The following STK39 variants were observed in gnomAD, a reference collection of about 807,000 sequenced individuals.
STK39 encodes the protein serine/threonine kinase 39, also known as STE20/SPS1-related proline-alanine-rich protein kinase.
A neutral mutation model predicts 77.8 loss-of-function variants in STK39; 20 were observed. The ratio of observed to expected loss-of-function variants is 0.26; its 90% CI spans 0.18 to 0.37. The LOEUF is 0.37. Ranked by LOEUF, STK39 falls within the 10% of genes least tolerant of loss-of-function variation. The probability of loss-of-function intolerance (pLI) is 1.00; values close to 1 mark genes in which losing one functional copy is unlikely to be tolerated. For missense variants in STK39, 479 were observed against 656.5 expected, an observed-to-expected ratio of 0.73 and a Z score of 2.95; for synonymous variants, 246 against 234.1, an observed-to-expected ratio of 1.05 and a Z score of -0.47.
chr2:168,104,743 C>T (rs562451692), intron 10 of STK39, among the ~76,000 whole-genome samples: 93 of 152,308 alleles, frequency 6.1e-4, no homozygotes, highest in South Asian at 1.2e-3. Context: ...TTCTGGAAGA[C>T]AATTTGCCAG....
At chr2:168,231,159 T>C (rs999488498) in intron 1 of STK39, among the ~76,000 whole-genome samples, 2 of 152,232 alleles carry the variant, frequency 1.3e-5, no homozygotes, top group South Asian at 2.1e-4. Context: ...CTAACAGCAC[T>C]GTCATGCTAA....
chr2:167,974,504 G>A (rs1227963475), intron 16 of STK39, among the ~76,000 whole-genome samples: 1 of 151,980 alleles, frequency 6.6e-6, no homozygotes, highest in Non-Finnish European at 1.5e-5. Flanking sequence ...TCTTCTTCAG[G>A]TTATATTTTA....
At position 168,116,731 on chromosome 2, in the gene STK39, G is replaced by A. The variant is rs374403384; in HGVS notation, c.1089+12810C>T. Among the ~76,000 whole-genome samples the A allele has an allele frequency of 1.4e-4, 22 of 152,228 alleles. No individual in the cohort carries two copies. The South Asian group carries it at 3.9e-3, about 27-fold the overall frequency. ...AAACATTTGCCTTCCTCCCACAGATGATAGAACCCTTCCTTTCCCCGTGAT... is the reference window on the plus strand; with the variant it reads ...AAACATTTGCCTTCCTCCCACAGATAATAGAACCCTTCCTTTCCCCGTGAT... On this transcript the variant is annotated intron_variant, in intron 10 of 17. Transcript: ENST00000355999.
chr2:168,040,032 C>T (rs2105350643), intron 14 of STK39, among the ~76,000 whole-genome samples: 1 of 152,206 alleles, frequency 6.6e-6, no homozygotes, highest in East Asian at 1.9e-4. Flanking sequence ...GAACTCAGTA[C>T]CATCTCTGGG....
intron 1 of STK39, among the ~76,000 whole-genome samples, chr2:168,219,343 C>G (rs1280449124): frequency 1.3e-5 from 2 of 152,040 alleles, no homozygotes; most frequent in African/African-American, 4.8e-5. Flanking sequence ...TCCACATACA[C>G]TTAACTCTCA....
intron 10 of STK39, among the ~76,000 whole-genome samples, chr2:168,081,353 G>A (rs904824442): frequency 6.6e-6 from 1 of 152,140 alleles, no homozygotes; most frequent in Non-Finnish European, 1.5e-5. Flanking sequence ...AGATCATTTT[G>A]GAGCTTTAAG....
chr2:168,176,415 A>G (rs1688957518), intron 2 of STK39, among the ~76,000 whole-genome samples: 1 of 152,200 alleles, frequency 6.6e-6, no homozygotes, highest in Non-Finnish European at 1.5e-5. Flanking sequence ...GCATCAGATA[A>G]TGGTTAGGAA....
chr2:167,963,947 T>C (rs1347556184), intron 17 of STK39, among the ~76,000 whole-genome samples: 1 of 152,228 alleles, frequency 6.6e-6, no homozygotes, highest in Non-Finnish European at 1.5e-5. Context: ...ATTTTTAAAA[T>C]GTACCTTAAT....
chr2:167,996,787 G>A (rs149763289), intron 16 of STK39, among the ~76,000 whole-genome samples: 56 of 152,232 alleles, frequency 3.7e-4, no homozygotes, highest in African/African-American at 1.3e-3. Context: ...AAAGAGGTAA[G>A]TGTTTGGCAA....
At chr2:168,143,712 C>CAAAA (rs3063798) in intron 5 of STK39, among the ~76,000 whole-genome samples, 3 of 139,522 alleles carry the variant, frequency 2.2e-5, no homozygotes, top group Non-Finnish European at 4.8e-5. Context: ...GACTTTGTCT[C>CAAAA]AAAAAAAAAA....
At chr2:168,154,681 T>C (rs1188181683) in intron 5 of STK39, among the ~76,000 whole-genome samples, 2 of 145,396 alleles carry the variant, frequency 1.4e-5, no homozygotes, top group Non-Finnish European at 3.0e-5. Context: ...TAAATTTATA[T>C]AGTTGACTGT....
At chr2:168,163,547 A>G in intron 4 of STK39, 192 bp downstream of exon 4, 1 of 964,622 alleles carries the variant, frequency 1.0e-6, no homozygotes, top group South Asian at 4.8e-5. Flanking sequence ...AGTAATGTCA[A>G]TACCTGCCTG....
intron 5 of STK39, among the ~76,000 whole-genome samples, chr2:168,155,917 C>G (rs10186426): frequency 0.38 from 58,342 of 152,056 alleles, 12,239 homozygotes; most frequent in African/African-American, 0.56. Context: ...AGGGTGTCTC[C>G]CGTGCCTCTA....
intron 1 of STK39, among the ~76,000 whole-genome samples, chr2:168,216,109 G>A (rs990501669): frequency 6.6e-6 from 1 of 150,380 alleles, no homozygotes; most frequent in African/African-American, 2.4e-5. Context: ...GTGGAAGAGA[G>A]ACAGGAAACA....
At chr2:168,097,259 T>C (rs1686695313) in intron 10 of STK39, among the ~76,000 whole-genome samples, 1 of 152,260 alleles carries the variant, frequency 6.6e-6, no homozygotes, top group Non-Finnish European at 1.5e-5. Flanking sequence ...AAATGCACAG[T>C]TGACTGTATT....
intron 5 of STK39, among the ~76,000 whole-genome samples, chr2:168,144,543 C>T (rs946952811): frequency 2.6e-5 from 4 of 151,948 alleles, no homozygotes; most frequent in South Asian, 2.1e-4. Flanking sequence ...TGAGCTCAAG[C>T]GATCCTCCTG....
intron 14 of STK39, among the ~76,000 whole-genome samples, chr2:168,037,773 A>T (rs1414983553): frequency 6.6e-6 from 1 of 152,196 alleles, no homozygotes; most frequent in African/African-American, 2.4e-5. Flanking sequence ...CCAAAATGTT[A>T]ATTATGCTCA....
intron 5 of STK39, among the ~76,000 whole-genome samples, chr2:168,160,953 G>A (rs1167352268): frequency 2.7e-5 from 4 of 150,936 alleles, no homozygotes; most frequent in African/African-American, 4.9e-5. Flanking sequence ...TGGGGGTGGG[G>A]GGCAGCAGAT....
At chr2:168,075,459 C>A (rs1004221484) in intron 10 of STK39, among the ~76,000 whole-genome samples, 2 of 152,092 alleles carry the variant, frequency 1.3e-5, no homozygotes, top group Non-Finnish European at 2.9e-5. Flanking sequence ...TTACTATATA[C>A]ATGAAGAACA....
Sources: gnomAD v4.1 joint callset for allele counts (sites outside exome capture counted in the v4.1 genomes callset) on GRCh38, gnomAD v4.1.1 for gene constraint, MANE v1.5 for transcripts, NCBI Gene and HGNC (gene_info 2026-07-23, HGNC 2026-07-21) for gene names.